Variants in DAB1 observed in about 807,000 individuals in gnomAD.
DAB1 encodes disabled homolog 1.
A neutral mutation model predicts 64.6 loss-of-function variants in DAB1; 15 were observed. The ratio of observed to expected loss-of-function variants is 0.23; its 90% CI spans 0.16 to 0.36. The LOEUF is 0.36. Among genes scored for constraint, DAB1 ranks in the 10% least tolerant of loss-of-function variants. DAB1 has a pLI of 1.00. For synonymous variants in DAB1, 235 were observed against 251.9 expected, an observed-to-expected ratio of 0.93 and a Z score of 0.64; for missense variants, 596 against 706.7, an observed-to-expected ratio of 0.84 and a Z score of 1.78.
At chr1:57,945,247 G>A (rs12744598) in intron 5 of DAB1, among the ~76,000 whole-genome samples, 13 of 151,614 alleles carry the variant, frequency 8.6e-5, no homozygotes, top group South Asian at 2.1e-4. Context: ...CATCACCATC[G>A]TCATCATCAT....
chr1:58,142,383 T>C, intron 5 of DAB1, among the ~76,000 whole-genome samples: 1 of 152,234 alleles, frequency 6.6e-6, no homozygotes, highest in Middle Eastern at 3.2e-3. Context: ...AACTGTTAAT[T>C]CCATTTTTAA....
chr1:57,485,185 A>G (rs1644074814), intron 7 of DAB1, among the ~76,000 whole-genome samples: 1 of 152,126 alleles, frequency 6.6e-6, no homozygotes, highest in Non-Finnish European at 1.5e-5. Context: ...TCCTGCTTCC[A>G]GAGAATGAAG....
chr1:57,682,814 C>T lies in DAB1; in HGVS notation n.552-33149G>A, dbSNP rs548461297. Among the ~76,000 whole-genome samples the T allele has an allele frequency of 6.9e-4, 105 of 152,278 alleles. 3 individuals are homozygous for T. The South Asian group carries it at 0.022, about 31-fold the overall frequency. On this transcript the variant is annotated intron_variant and non_coding_transcript_variant, in intron 6 of 20. Transcript: ENST00000485760. ...GGACTTCCCATATCCCTCTGAGAGG[C>T]TTTAGCCTCAGTTGACTGCCAGACA...
rs1644244328 is a variant in DAB1 at position 58,369,295 on chromosome 1, T to C, written n.258-25892A>G. ...TAGCTTCTGAATATTTGTCTCGCCG[T>C]TTCCTTCTGGGGAAAAAAAACTAAG... On this transcript the variant is annotated intron_variant and non_coding_transcript_variant, in intron 3 of 20. Transcript: ENST00000485760. Among the ~76,000 whole-genome samples the C allele has an allele frequency of 2.6e-5, 4 of 152,192 alleles. No homozygotes were observed. The South Asian group carries it at 8.3e-4, about 31-fold the overall frequency.
Position 57,220,731 on chromosome 1 carries a change from T to C in DAB1, c.67+70233A>G, listed in dbSNP as rs528269696. ...CATCTCACACCAGTTAGAATGGCGA[T>C]CATTAAAAAGTCAGGAAACAACAGG... is the stretch of plus-strand genomic sequence containing the variant. On this transcript the variant is annotated intron_variant, in intron 2 of 14. Coordinates refer to ENST00000371236, the MANE Select transcript of DAB1 (RefSeq NM_001365792.1). 7.2e-5 allele frequency among the ~76,000 whole-genome samples: 11 copies of C among 152,260 alleles called. No individual in the cohort carries two copies. The South Asian group carries it at 1.9e-3, about 26-fold the overall frequency.
intron 6 of DAB1, among the ~76,000 whole-genome samples, chr1:57,710,481 T>C (rs879823851): frequency 2.6e-5 from 4 of 152,240 alleles, no homozygotes; most frequent in Non-Finnish European, 5.9e-5. Flanking sequence ...CAGTCTTTTA[T>C]ACAGTCAGGC....
intron 2 of DAB1, among the ~76,000 whole-genome samples, chr1:57,209,574 A>T (rs558371884): frequency 6.6e-6 from 1 of 152,314 alleles, no homozygotes; most frequent in East Asian, 1.9e-4. Context: ...TCAAGGTAAG[A>T]GGACCACCCT....
intron 7 of DAB1, among the ~76,000 whole-genome samples, chr1:57,633,527 A>G (rs1646016447): frequency 1.3e-5 from 2 of 152,212 alleles, no homozygotes. Flanking sequence ...AGGTGTTTGA[A>G]TAAGCTTTGT....
intron 3 of DAB1, among the ~76,000 whole-genome samples, chr1:57,142,766 A>C (rs1264830652): frequency 6.6e-6 from 1 of 152,138 alleles, no homozygotes; most frequent in African/African-American, 2.4e-5. Context: ...CCAAGAAGGC[A>C]GCTGGCCATT....
chr1:57,835,935 C>G (rs201054828), intron 1 of DAB1, among the ~76,000 whole-genome samples: 2 of 152,168 alleles, frequency 1.3e-5, no homozygotes, highest in East Asian at 3.9e-4. Flanking sequence ...CACAGGTACT[C>G]TACCCATTTG....
chr1:57,476,557 T>A (rs1484728056), intron 7 of DAB1, among the ~76,000 whole-genome samples: 3 of 152,160 alleles, frequency 2.0e-5, no homozygotes, highest in Non-Finnish European at 4.4e-5. Context: ...AATTCTCACA[T>A]TGGCAGCCAA....
At chr1:57,695,463 T>C (rs146128043) in intron 6 of DAB1, among the ~76,000 whole-genome samples, 60 of 152,066 alleles carry the variant, frequency 3.9e-4, no homozygotes, top group African/African-American at 1.4e-3. Context: ...ATTAAGTCTG[T>C]ATGTCTGTAT....
intron 3 of DAB1, among the ~76,000 whole-genome samples, chr1:58,419,886 G>A (rs1025817823): frequency 7.2e-5 from 11 of 152,268 alleles, no homozygotes; most frequent in East Asian, 1.9e-4. Context: ...TATTAGATGG[G>A]CCTGGCTTCT....
chr1:58,194,001 G>A (rs1657532370), intron 4 of DAB1, among the ~76,000 whole-genome samples: 2 of 152,204 alleles, frequency 1.3e-5, no homozygotes, highest in South Asian at 4.1e-4. Context: ...TGAACAAAGG[G>A]AAGAAGAAGA....
At chr1:57,710,804 T>G (rs187433421) in intron 6 of DAB1, among the ~76,000 whole-genome samples, 2 of 152,276 alleles carry the variant, frequency 1.3e-5, no homozygotes, top group East Asian at 3.9e-4. Flanking sequence ...CCACGACACA[T>G]GGAAGACAAA....
intron 6 of DAB1, among the ~76,000 whole-genome samples, chr1:57,766,553 A>G (rs1160748034): frequency 6.6e-6 from 1 of 152,080 alleles, no homozygotes; most frequent in Non-Finnish European, 1.5e-5. Context: ...ATGCCTGCAC[A>G]CTTTCTCCTT....
At chr1:57,136,725 C>A in intron 3 of DAB1, 84 bp from the exon 4 acceptor site, 2 of 730,778 alleles carry the variant, frequency 2.7e-6, no homozygotes, top group Admixed American at 3.0e-5. Flanking sequence ...CCGATACCAT[C>A]AACCAATGCC....
At chr1:58,350,197 T>A (rs1433420724) in intron 3 of DAB1, among the ~76,000 whole-genome samples, 1 of 152,240 alleles carries the variant, frequency 6.6e-6, no homozygotes, top group Non-Finnish European at 1.5e-5. Context: ...TTTGCATTTC[T>A]CAATAACAGT....
Position 57,024,299 on chromosome 1 carries a change from G to A in DAB1, c.787-660C>T, listed in dbSNP as rs185217802. On this transcript the variant is annotated intron_variant, in intron 10 of 14. Transcript: ENST00000371236. ...ACTGAAAATTCTACAGGGCCTAGTC[G>A]GTGCTGGAATTCCAAAAAGGTCTGC... 9.9e-5 allele frequency among the ~76,000 whole-genome samples: 15 copies of A among 152,080 alleles called. No individual in the cohort carries two copies. In the South Asian group the frequency reaches 2.7e-3, roughly 27 times the overall value.
Sources: gnomAD v4.1 joint callset for allele counts (sites outside exome capture counted in the v4.1 genomes callset) on GRCh38, gnomAD v4.1.1 for gene constraint, MANE v1.5 for transcripts, NCBI Gene and HGNC (gene_info 2026-07-23, HGNC 2026-07-21) for gene names.